The following KDM4C variants were observed in gnomAD, a reference collection of about 807,000 sequenced individuals.
KDM4C encodes the protein lysine-specific demethylase 4C.
In KDM4C, 81 loss-of-function variants were observed where a neutral mutation model predicts 129.3. The observed-to-expected ratio is 0.63, with a 90% CI of 0.52 to 0.75. The LOEUF is 0.75. Ranked by LOEUF, KDM4C falls within the 30% of genes least tolerant of loss-of-function variation. The pLI is 0.00. For missense variants in KDM4C, 1,457 were observed against 1,304.0 expected, an observed-to-expected ratio of 1.12 and a Z score of -1.81; for synonymous variants, 573 against 456.1, an observed-to-expected ratio of 1.26 and a Z score of -3.26.
chr9:6,963,754 C>T (rs1306613177), intron 8 of KDM4C, among the ~76,000 whole-genome samples: 3 of 152,192 alleles, frequency 2.0e-5, no homozygotes. Flanking sequence ...CATCATTTTC[C>T]TGCCTCTCAG....
chr9:6,775,713 G>A (rs1822887162), intron 1 of KDM4C, among the ~76,000 whole-genome samples: 1 of 151,760 alleles, frequency 6.6e-6, no homozygotes, highest in African/African-American at 2.4e-5. Context: ...GTAGAGACGG[G>A]GTTTCTCCAT....
chr9:6,919,841 C>A (rs1372456560), intron 8 of KDM4C, among the ~76,000 whole-genome samples: 1 of 152,062 alleles, frequency 6.6e-6, no homozygotes, highest in East Asian at 1.9e-4. Context: ...CCCCAAAGTG[C>A]TAGGATTATA....
chr9:6,858,660 C>G (rs1270534063), intron 5 of KDM4C, among the ~76,000 whole-genome samples: 1 of 151,980 alleles, frequency 6.6e-6, no homozygotes, highest in Non-Finnish European at 1.5e-5. Flanking sequence ...GTAATCCCAG[C>G]TACTCAAGAG....
chr9:6,807,525 T>G (rs2131047698), intron 3 of KDM4C, among the ~76,000 whole-genome samples: 1 of 143,818 alleles, frequency 7.0e-6, no homozygotes, highest in East Asian at 2.1e-4. Context: ...GGAGCGCCTC[T>G]GCCCCGCCGC....
chr9:6,755,368 C>T (rs1465571811), upstream of KDM4C, among the ~76,000 whole-genome samples: 2 of 152,110 alleles, frequency 1.3e-5, no homozygotes, highest in East Asian at 3.8e-4. Context: ...GAGACTCTGT[C>T]TCAATTATAA....
intron 6 of KDM4C, among the ~76,000 whole-genome samples, chr9:6,885,594 G>T (rs1042517991): frequency 1.4e-5 from 2 of 144,460 alleles, no homozygotes; most frequent in Non-Finnish European, 3.0e-5. Flanking sequence ...TTGCTTGCTT[G>T]ATCCTGTATA....
At chr9:7,024,643 T>G (rs1433929393) in intron 15 of KDM4C, among the ~76,000 whole-genome samples, 1 of 152,146 alleles carries the variant, frequency 6.6e-6, no homozygotes, top group African/African-American at 2.4e-5. Flanking sequence ...TTCATCCATG[T>G]CCCTGCAAAG....
chr9:6,859,727 G>A (rs190926889), intron 5 of KDM4C, among the ~76,000 whole-genome samples: 181 of 151,874 alleles, frequency 1.2e-3, no homozygotes, highest in East Asian at 3.3e-3. Flanking sequence ...TTAGCCGGGC[G>A]TGGTTGCAGG....
chr9:6,792,176 A>G (rs1031308962), intron 1 of KDM4C, among the ~76,000 whole-genome samples: 3 of 151,740 alleles, frequency 2.0e-5, no homozygotes, highest in Non-Finnish European at 4.4e-5. Flanking sequence ...CTCCATCTCT[A>G]CTAAAAATAC....
At chr9:6,777,313 C>T (rs1823295179) in intron 1 of KDM4C, among the ~76,000 whole-genome samples, 1 of 152,184 alleles carries the variant, frequency 6.6e-6, no homozygotes, top group Non-Finnish European at 1.5e-5. Flanking sequence ...TCAGTAACTG[C>T]TAGGTTTTAT....
chr9:7,144,626 G>A (rs1305750444), intron 19 of KDM4C, among the ~76,000 whole-genome samples: 1 of 152,160 alleles, frequency 6.6e-6, no homozygotes, highest in Non-Finnish European at 1.5e-5. Context: ...TGTGGCCCCT[G>A]GCCCCACCAT....
intron 10 of KDM4C, among the ~76,000 whole-genome samples, chr9:6,985,447 C>A (rs181308955): frequency 1.2e-4 from 19 of 152,290 alleles, no homozygotes; most frequent in Middle Eastern, 6.8e-3. Context: ...CACATAATTA[C>A]AATCCAATGT....
intron 8 of KDM4C, among the ~76,000 whole-genome samples, chr9:6,929,477 T>C (rs528108459): frequency 2.6e-4 from 21 of 79,906 alleles, no homozygotes; most frequent in East Asian, 1.8e-3. Flanking sequence ...TTTTCTTTTT[T>C]TTTTTTTTTT....
chr9:6,908,078 A>G (rs567068020), intron 8 of KDM4C, among the ~76,000 whole-genome samples: 3 of 152,158 alleles, frequency 2.0e-5, no homozygotes, highest in African/African-American at 4.8e-5. Flanking sequence ...TTGGTTACAC[A>G]TTTGTAATCG....
chr9:6,809,668 T>G (rs1003720849), intron 3 of KDM4C, among the ~76,000 whole-genome samples: 1 of 152,212 alleles, frequency 6.6e-6, no homozygotes, highest in African/African-American at 2.4e-5. Context: ...TCAGAAACAT[T>G]TCTACCAGTT....
rs557758278 is a variant in KDM4C at position 6,995,075 on chromosome 9, A to G, written c.1786+4551A>G. On this transcript the variant is annotated intron_variant, in intron 12 of 21. Transcript: ENST00000381309. ...AGAGTGGTTTTTTTTTTCCCCACCC[A>G]CAACAAAGGAATGATGCATACTGTT... Among the ~76,000 whole-genome samples the G allele has an allele frequency of 7.3e-5, 11 of 151,194 alleles. No individual in the cohort carries two copies. The South Asian group carries it at 8.4e-4, about 12-fold the overall frequency.
chr9:6,889,358 C>CA (rs935023028), intron 7 of KDM4C, among the ~76,000 whole-genome samples: 9 of 152,044 alleles, frequency 5.9e-5, no homozygotes, highest in Non-Finnish European at 1.0e-4. Flanking sequence ...ATGCAGCAGT[C>CA]ACGCACAAGA....
At chr9:7,065,107 T>C (rs1832245371) in intron 17 of KDM4C, among the ~76,000 whole-genome samples, 1 of 152,190 alleles carries the variant, frequency 6.6e-6, no homozygotes, top group Non-Finnish European at 1.5e-5. Context: ...TGTGGCCACC[T>C]ATCAAAGGGA....
At chr9:6,820,177 T>G (rs1215154550) in intron 4 of KDM4C, among the ~76,000 whole-genome samples, 1 of 152,162 alleles carries the variant, frequency 6.6e-6, no homozygotes, top group Non-Finnish European at 1.5e-5. Context: ...CTTTGCAGCC[T>G]GCGGGAGAGG....
Sources: allele counts gnomAD v4.1 joint callset (sites outside exome capture counted in the v4.1 genomes callset), GRCh38; gene constraint gnomAD v4.1.1; transcripts MANE v1.5; gene names NCBI Gene and HGNC (gene_info 2026-07-23, HGNC 2026-07-21).